The following IL1A variants were observed in gnomAD, a reference collection of about 807,000 sequenced individuals.
IL1A encodes interleukin 1 alpha.
Under a neutral mutation model 22.2 loss-of-function variants are expected in IL1A, and 16 were observed. That is an observed-to-expected ratio of 0.72 (90% CI 0.49 to 1.09). The LOEUF is 1.09. Among genes scored for constraint, IL1A ranks in the 50% least tolerant of loss-of-function variants. IL1A has a pLI of 0.00. For synonymous variants in IL1A, 113 were observed against 118.5 expected (o/e 0.95, Z 0.30); for missense variants, 317 against 321.8 (o/e 0.99, Z 0.11).
intron 5 of IL1A, among the ~76,000 whole-genome samples, chr2:112,778,532 A>G (rs541819336): frequency 9.2e-5 from 14 of 152,200 alleles, no homozygotes; most frequent in Non-Finnish European, 1.5e-4. Context: ...AAAGTAGTTC[A>G]GTTTTTACTT....
chr2:112,782,028 T>A (rs1440509433), intron 3 of IL1A, among the ~76,000 whole-genome samples: 1 of 152,222 alleles, frequency 6.6e-6, no homozygotes, highest in African/African-American at 2.4e-5. Flanking sequence ...ATGATTTTTT[T>A]AGGAAGACTT....
At position 112,781,843 on chromosome 2, in the gene IL1A, CAG is replaced by C. The variant is rs1197950321; in HGVS notation, c.97-19_97-18del. 1 of 1,577,964 alleles carries C rather than the reference CAG, an allele frequency of 6.3e-7. No individual in the cohort carries two copies. Among genetic ancestry groups the C allele is most frequent in the Non-Finnish European group, 8.7e-7 (1 of 1,147,134 alleles). Reference sequence around the variant, plus strand: ...GAAGGATTTCTGTGAGGAAGGAAAACAGAAGCTGAGAGGCTGTTCATGGTCAG... The same window carrying C: ...GAAGGATTTCTGTGAGGAAGGAAAACAAGCTGAGAGGCTGTTCATGGTCAG... On this transcript the variant is annotated intron_variant, in intron 3 of 6. Coordinates refer to ENST00000263339, the MANE Select transcript of IL1A (RefSeq NM_000575.5).
At chr2:112,775,299 A>C in intron 6 of IL1A, 32 bp from the exon 7 acceptor site, 1 of 1,579,482 alleles carries the variant, frequency 6.3e-7, no homozygotes, top group South Asian at 1.1e-5. Context: ...TCTGTTAGAG[A>C]ACAAGATGGT....
intron 4 of IL1A, 28 bp from the exon 5 acceptor site, chr2:112,779,694 A>G: frequency 6.4e-7 from 1 of 1,561,172 alleles, no homozygotes; most frequent in Non-Finnish European, 8.8e-7. Context: ...AGTGCAGATT[A>G]ATGTCTATGT....
chr2:112,778,057 A>G lies in IL1A; in HGVS notation c.545T>C (p.Val182Ala). Reference sequence around the variant, plus strand: ...TTGAGTTTTTGAGATTCTTAGAATCACGGTAATTTTAGCATCATCCTTTGA... The same window carrying G: ...TTGAGTTTTTGAGATTCTTAGAATCGCGGTAATTTTAGCATCATCCTTTGA... ...KSSKDDAKIT[V>A]ILRISKTQLY... The change falls in exon 6 of 7, where the codon GTG becomes GCG. Residue 182 changes from valine to alanine, a missense_variant. Physicochemically the swap from Val to Ala is moderately conservative, Grantham distance 64 (BLOSUM62 0). Coordinates refer to ENST00000263339, the MANE Select transcript of IL1A (RefSeq NM_000575.5). The G allele has an allele frequency of 6.2e-7, 1 of 1,613,992 alleles. No individual in the cohort carries two copies.
chr2:112,775,353 G>A (rs1234174134), intron 6 of IL1A, 86 bp from the exon 7 acceptor site: 1 of 985,072 alleles, frequency 1.0e-6, no homozygotes, highest in Non-Finnish European at 1.6e-6. Context: ...TGGCCTTCAT[G>A]AGAAACAGCA....
intron 2 of IL1A, among the ~76,000 whole-genome samples, chr2:112,783,419 A>G (rs557204472): frequency 6.6e-6 from 1 of 152,348 alleles, no homozygotes; most frequent in Admixed American, 6.5e-5. Context: ...ACCCATTCTT[A>G]TATCAGGGCA....
At position 112,774,994 on chromosome 2, in the gene IL1A, A is replaced by T; in HGVS notation, c.*73T>A. On this transcript the variant is annotated 3_prime_UTR_variant, in exon 7 of 7. Coordinates refer to ENST00000263339, the MANE Select transcript of IL1A (RefSeq NM_000575.5). The stretch of plus-strand genomic sequence containing the variant: ...CTCAGCAAATGACTAACAGTAAAGG[A>T]TTTAGCTTCTTCATGTACATGGTAC... The T allele has an allele frequency of 3.4e-6, 4 of 1,183,438 alleles. No homozygotes were observed. The highest frequency in any genetic ancestry group is 5.0e-6 in the Non-Finnish European group (4 of 798,426). 73.3% of individuals were successfully genotyped at this position (1,183,438 alleles called of 1,614,324 possible).
chr2:112,783,835 G>A lies in IL1A; in HGVS notation c.-8-57C>T. On this transcript the variant is annotated intron_variant, in intron 1 of 6. Transcript: ENST00000263339. ...CAGCCAGCCTCTAATCCAGATATCT[G>A]TGAGGGGAGCCCCTCCTCTTTGTGC... The A allele has an allele frequency of 5.5e-6, 8 of 1,458,586 alleles. No individual in the cohort carries two copies. In the South Asian group the frequency reaches 9.1e-5, roughly 17 times the overall value. 90.4% of individuals were successfully genotyped at this position (1,458,586 alleles called of 1,614,324 possible).
chr2:112,775,119 G>A lies in IL1A; in HGVS notation c.764C>T (p.Ala255Val), dbSNP rs1681078111. The change falls in exon 7 of 7, where the codon GCA becomes GTA. Residue 255 changes from alanine to valine, a missense_variant. By Grantham distance (64) the Ala-to-Val change is moderately conservative. Coordinates refer to ENST00000263339, the MANE Select transcript of IL1A (RefSeq NM_000575.5). ...ATKQDYWVCL[A>V]GGPPSITDFQ... ...GTCAGTGATAGAGGGTGGCCCCCCT[G>A]CCAAGCACACCCAGTAGTCTTGCTT... The A allele has an allele frequency of 6.2e-7, 1 of 1,614,030 alleles. No individual in the cohort carries two copies. The highest frequency in any genetic ancestry group is 1.7e-5 in the Admixed American group (1 of 60,006).
At chr2:112,778,470 A>T (rs983004659) in intron 5 of IL1A, among the ~76,000 whole-genome samples, 17 of 152,210 alleles carry the variant, frequency 1.1e-4, no homozygotes, top group African/African-American at 4.1e-4. Flanking sequence ...TAATGACCTA[A>T]CATGGAGGGG....
chr2:112,781,402 A>T (rs1268472710), intron 4 of IL1A, among the ~76,000 whole-genome samples: 1 of 152,206 alleles, frequency 6.6e-6, no homozygotes, highest in Non-Finnish European at 1.5e-5. Flanking sequence ...AATGGCTGTG[A>T]GCAAGTATTC....
intron 2 of IL1A, 44 bp from the exon 3 acceptor site, chr2:112,782,808 T>C (rs776803821): frequency 1.4e-6 from 2 of 1,440,884 alleles, no homozygotes; most frequent in African/African-American, 2.8e-5. Flanking sequence ...GTTATTTCAG[T>C]GTGGTCTCTG....
At chr2:112,777,651 G>C (rs779262878) in intron 6 of IL1A, among the ~76,000 whole-genome samples, 1 of 152,206 alleles carries the variant, frequency 6.6e-6, no homozygotes, top group Non-Finnish European at 1.5e-5. Flanking sequence ...TTGGAGGCAG[G>C]CCACATTGTC....
chr2:112,775,057 G>A lies in IL1A; in HGVS notation c.*10C>T, dbSNP rs376303319. ...AACACTGCACAAGTGAGACAAGTGA[G>A]ACTCCAGACCTACGCCTGGTTTTCC... is the stretch of plus-strand genomic sequence containing the variant. On this transcript the variant is annotated 3_prime_UTR_variant, in exon 7 of 7. Coordinates refer to ENST00000263339, the MANE Select transcript of IL1A (RefSeq NM_000575.5). The A allele has an allele frequency of 1.9e-4, 312 of 1,609,634 alleles. No homozygotes were observed. The African/African-American group carries it at 3.9e-3, about 20-fold the overall frequency.
Position 112,775,089 on chromosome 2 carries a change from T to C in IL1A, c.794A>G (p.Gln265Arg). Residue 265 changes from glutamine to arginine, a missense_variant, in exon 7 of 7, where the codon CAG becomes CGG. Transcript: ENST00000263339. ...GACCTACGCCTGGTTTTCCAGTATCTGAAAGTCAGTGATAGAGGGTGGCCC... is the reference window on the plus strand; with the variant it reads ...GACCTACGCCTGGTTTTCCAGTATCCGAAAGTCAGTGATAGAGGGTGGCCC... ...AGGPPSITDF[Q>R]ILENQA is the part of the protein sequence containing the mutation. 1 of 1,614,150 alleles carries C rather than the reference T, an allele frequency of 6.2e-7. No homozygotes were observed. Among genetic ancestry groups the C allele is most frequent in the Non-Finnish European group, 8.5e-7 (1 of 1,179,986 alleles).
chr2:112,781,476 T>C (rs1039269324), intron 4 of IL1A, 128 bp downstream of exon 4: 10 of 770,226 alleles, frequency 1.3e-5, no homozygotes, highest in Non-Finnish European at 2.3e-5. Flanking sequence ...TTCCTCTGTA[T>C]AGTTACCAGA....
rs1189115757 is a variant in IL1A, at chr2:112,779,502, C to T, written c.484G>A (p.Glu162Lys). 2 of 1,576,502 alleles carry T rather than the reference C, an allele frequency of 1.3e-6. No individual in the cohort carries two copies. The highest frequency in any genetic ancestry group is 1.7e-6 in the Non-Finnish European group (2 of 1,150,744). ...LTAAALHNLD[E>K]AVKFDMGAYK... ...TGGTGCCATTTTAATGTACCTGCTT[C>T]ATCCAGATTATGTAATGCAGCAGCC... Residue 162 changes from glutamate (E) to lysine (K), a missense_variant, in exon 5 of 7, where the codon GAA (glutamate) becomes AAA (lysine). By Grantham distance (56) the Glu-to-Lys change is moderately conservative. Transcript: ENST00000263339.
At chr2:112,779,448 T>A in intron 5 of IL1A, 48 bp downstream of exon 5, 1 of 1,402,150 alleles carries the variant, frequency 7.1e-7, no homozygotes, top group Non-Finnish European at 9.8e-7. Context: ...AATAAGTAAA[T>A]GAAAGGAGGG....
Sources: gnomAD v4.1 joint callset for allele counts (sites outside exome capture counted in the v4.1 genomes callset) on GRCh38, gnomAD v4.1.1 for gene constraint, MANE v1.5 for transcripts, NCBI Gene and HGNC (gene_info 2026-07-23, HGNC 2026-07-21) for gene names.